LINGO2: variants seen among roughly 807,000 people sequenced by gnomAD.
LINGO2 encodes leucine-rich repeat and immunoglobulin-like domain-containing nogo receptor-interacting protein 2.
A neutral mutation model predicts 30.6 loss-of-function variants in LINGO2; 14 were observed. That is an observed-to-expected ratio of 0.46 (90% CI 0.30 to 0.72). LINGO2 has a LOEUF of 0.72. LINGO2 is among the 30% of genes least tolerant of loss of function. LINGO2 has a pLI of 0.07. For synonymous variants in LINGO2, 317 were observed against 288.5 expected (o/e 1.10, Z -1.00); for missense variants, 729 against 751.7 (o/e 0.97, Z 0.35).
the LINGO2 span, among the ~76,000 whole-genome samples, chr9:28,914,258 G>A: frequency 1.3e-5 from 2 of 152,016 alleles, no homozygotes; most frequent in African/African-American, 4.8e-5. Flanking sequence ...CCAAAAGGAG[G>A]GAGAATAAAC....
chr9:28,125,145 G>A (rs2133415287), intron 4 of LINGO2, among the ~76,000 whole-genome samples: 1 of 152,342 alleles, frequency 6.6e-6, no homozygotes, highest in Middle Eastern at 3.4e-3. Context: ...ACTGGGGATA[G>A]TGTAAGGAAG....
At chr9:29,137,257 G>T in the LINGO2 span, among the ~76,000 whole-genome samples, 1 of 151,890 alleles carries the variant, frequency 6.6e-6, no homozygotes, top group African/African-American at 2.4e-5. Context: ...GGAACTTTAG[G>T]TTCATCATCA....
chr9:29,180,613 G>A, the LINGO2 span, among the ~76,000 whole-genome samples: 1 of 152,206 alleles, frequency 6.6e-6, no homozygotes, highest in East Asian at 1.9e-4. Context: ...CCCCCTATAT[G>A]TGATCACACA....
At chr9:28,018,317 G>A (rs1822943212) in intron 4 of LINGO2, among the ~76,000 whole-genome samples, 1 of 152,092 alleles carries the variant, frequency 6.6e-6, no homozygotes, top group Non-Finnish European at 1.5e-5. Context: ...TCATGATGAA[G>A]ATGCCAAAAG....
At chr9:28,067,042 A>T (rs910351787) in intron 4 of LINGO2, among the ~76,000 whole-genome samples, 1 of 152,130 alleles carries the variant, frequency 6.6e-6, no homozygotes, top group South Asian at 2.1e-4. Context: ...TTATTTGCTT[A>T]ATAAGTAATA....
chr9:28,492,465 T>C (rs1826436964), intron 1 of LINGO2, among the ~76,000 whole-genome samples: 1 of 152,198 alleles, frequency 6.6e-6, no homozygotes, highest in Non-Finnish European at 1.5e-5. Context: ...ATGAAGGATA[T>C]GCTGTTGGCA....
chr9:28,863,264 A>G, the LINGO2 span, among the ~76,000 whole-genome samples: 3 of 152,142 alleles, frequency 2.0e-5, no homozygotes, highest in Non-Finnish European at 2.9e-5. Context: ...CAAATAAAAT[A>G]TGATATTTAA....
intron 3 of LINGO2, among the ~76,000 whole-genome samples, chr9:28,337,764 C>T (rs1825636437): frequency 6.6e-6 from 1 of 152,024 alleles, no homozygotes; most frequent in Admixed American, 6.6e-5. Flanking sequence ...TGGTATTGAG[C>T]CTATGGGTGC....
At chr9:29,056,309 G>T in the LINGO2 span, among the ~76,000 whole-genome samples, 1 of 152,086 alleles carries the variant, frequency 6.6e-6, no homozygotes, top group Non-Finnish European at 1.5e-5. Flanking sequence ...GAGTAAGGTG[G>T]TATCACACTG....
chr9:28,700,855 G>A, the LINGO2 span, among the ~76,000 whole-genome samples: 1 of 152,056 alleles, frequency 6.6e-6, no homozygotes, highest in African/African-American at 2.4e-5. Flanking sequence ...TAATAGGTAT[G>A]TAGTGGTAAC....
the LINGO2 span, chr9:27,940,097 G>C: frequency 6.6e-6 from 1 of 151,924 alleles, no homozygotes; most frequent in African/African-American, 2.4e-5. Context: ...AATAGAATAG[G>C]GAGAATCCAC....
the LINGO2 span, among the ~76,000 whole-genome samples, chr9:28,743,873 C>A: frequency 6.6e-6 from 1 of 151,798 alleles, no homozygotes; most frequent in African/African-American, 2.4e-5. Flanking sequence ...AATTTGGAAA[C>A]TTCCCAGGAT....
intron 4 of LINGO2, among the ~76,000 whole-genome samples, chr9:28,275,837 A>C (rs1273752527): frequency 1.3e-5 from 2 of 152,190 alleles, no homozygotes; most frequent in Non-Finnish European, 2.9e-5. Context: ...CAAGGAAATA[A>C]AACAATGAAG....
the LINGO2 span, among the ~76,000 whole-genome samples, chr9:28,829,103 G>A: frequency 6.6e-6 from 1 of 152,274 alleles, no homozygotes; most frequent in East Asian, 1.9e-4. Flanking sequence ...AGAAGAAGCT[G>A]TTGAACGTTG....
chr9:28,248,245 TA>T (rs1822072537), intron 4 of LINGO2, among the ~76,000 whole-genome samples: 1 of 152,184 alleles, frequency 6.6e-6, no homozygotes, highest in Non-Finnish European at 1.5e-5. Flanking sequence ...GGAAATGTGG[TA>T]CCTCTGCACA....
In LINGO2 at chr9:28,237,117, C is replaced by G. The variant is rs1173983268; in HGVS notation, c.-87+58091G>C. Reference sequence around the variant, plus strand: ...AGAGAAACAAAATAGTTAAACAGTGCGGGGGGGGGGTAAAGTTAAATGTAG... The same window carrying G: ...AGAGAAACAAAATAGTTAAACAGTGGGGGGGGGGGGTAAAGTTAAATGTAG... On this transcript the variant is annotated intron_variant, in intron 4 of 5. Transcript: ENST00000379992. 1.5e-3 allele frequency among the ~76,000 whole-genome samples: 166 copies of G among 112,868 alleles called. 3 individuals carry two copies. The highest frequency in any genetic ancestry group is 5.0e-3 in the African/African-American group (141 of 28,304). 74.0% of individuals were successfully genotyped at this position (112,868 alleles called of 152,430 possible).
chr9:28,424,208 C>G (rs1271538213), intron 2 of LINGO2, among the ~76,000 whole-genome samples: 1 of 152,068 alleles, frequency 6.6e-6, no homozygotes, highest in Non-Finnish European at 1.5e-5. Context: ...AATCTCTTTC[C>G]CAACCATTGA....
chr9:28,898,085 A>T, the LINGO2 span, among the ~76,000 whole-genome samples: 1 of 152,254 alleles, frequency 6.6e-6, no homozygotes, highest in African/African-American at 2.4e-5. Flanking sequence ...CAAAACCTGC[A>T]TTTCTAACAA....
At chr9:28,796,491 T>A in the LINGO2 span, among the ~76,000 whole-genome samples, 1 of 152,006 alleles carries the variant, frequency 6.6e-6, no homozygotes, top group African/African-American at 2.4e-5. Flanking sequence ...TATAAATGAG[T>A]GCTTAATGAA....
Sources: allele counts gnomAD v4.1 joint callset (sites outside exome capture counted in the v4.1 genomes callset), GRCh38; gene constraint gnomAD v4.1.1; transcripts MANE v1.5; gene names NCBI Gene and HGNC (gene_info 2026-07-23, HGNC 2026-07-21).